The following TRAPPC9 variants were observed in gnomAD, a reference collection of about 807,000 sequenced individuals.
The protein encoded by TRAPPC9 is IKK2 binding protein.
In TRAPPC9, 83 loss-of-function variants were observed where a neutral mutation model predicts 124.0. That is an observed-to-expected ratio of 0.67 (90% CI 0.56 to 0.80). TRAPPC9 has a LOEUF of 0.80. Among genes scored for constraint, TRAPPC9 ranks in the 30% least tolerant of loss-of-function variants. The probability of loss-of-function intolerance (pLI) is 0.00; values close to 1 mark genes in which losing one functional copy is unlikely to be tolerated. For synonymous variants in TRAPPC9, 638 were observed against 617.5 expected (o/e 1.03, Z -0.49); for missense variants, 1,302 against 1,508.3 (o/e 0.86, Z 2.27).
rs917334088 is a variant in TRAPPC9 at position 139,904,181 on chromosome 8, T to C, written c.2964+5966A>G. 8.5e-5 allele frequency among the ~76,000 whole-genome samples: 13 copies of C among 152,204 alleles called. 1 individual carries two copies. Among genetic ancestry groups the C allele is most frequent in the African/African-American group, 2.9e-4 (12 of 41,458 alleles). ...ATGGTAGAGCCTCAATAAACGGCTG[T>C]TGGATGAACAGGATTCCACCTGACC... On this transcript the variant is annotated intron_variant, in intron 20 of 22. Transcript: ENST00000438773.
intron 17 of TRAPPC9, among the ~76,000 whole-genome samples, chr8:140,183,352 T>G (rs1404041945): frequency 1.3e-5 from 2 of 152,110 alleles, no homozygotes; most frequent in Non-Finnish European, 1.5e-5. Context: ...GAATACACGG[T>G]GGAGGAAAGA....
rs1554684613 is a variant in TRAPPC9 at position 140,423,579 on chromosome 8, T to TATACACACAC, written c.886+3035_886+3036insGTGTGTGTAT. Among the ~76,000 whole-genome samples, 85 of 145,440 alleles carry TATACACACAC rather than the reference T, an allele frequency of 5.8e-4. No homozygotes were observed. The East Asian group carries it at 0.016, about 27-fold the overall frequency. On this transcript the variant is annotated intron_variant, in intron 5 of 22. Coordinates refer to ENST00000438773, the MANE Select transcript of TRAPPC9 (RefSeq NM_001160372.4). The stretch of plus-strand genomic sequence containing the variant: ...GAATATGGAAAAACAAAATGTGGCA[T>TATACACACAC]ACACACACACACACACACACACACA...
chr8:140,118,821 G>A (rs11990034), intron 17 of TRAPPC9, among the ~76,000 whole-genome samples: 15,028 of 152,198 alleles, frequency 0.099, 978 homozygotes, highest in African/African-American at 0.17. Context: ...TTGAGCGACA[G>A]TACACACTGG....
At chr8:139,911,352 T>A (rs562621841) in intron 19 of TRAPPC9, 9 of 152,396 alleles carry the variant, frequency 5.9e-5, no homozygotes, top group African/African-American at 2.2e-4. Flanking sequence ...CTCGGGTATG[T>A]CTTCATCAGC....
intron 21 of TRAPPC9, among the ~76,000 whole-genome samples, chr8:139,795,356 G>A (rs948818781): frequency 2.6e-5 from 4 of 152,096 alleles, no homozygotes; most frequent in East Asian, 1.9e-4. Context: ...TGGGCCCTTC[G>A]GGAAGATGCC....
At chr8:140,370,421 T>C (rs1454652451) in intron 8 of TRAPPC9, among the ~76,000 whole-genome samples, 1 of 152,156 alleles carries the variant, frequency 6.6e-6, no homozygotes, top group African/African-American at 2.4e-5. Flanking sequence ...ATTACAGGAG[T>C]GAGCCACCGT....
At chr8:140,036,390 G>A (rs892640267) in intron 17 of TRAPPC9, among the ~76,000 whole-genome samples, 3 of 152,118 alleles carry the variant, frequency 2.0e-5, no homozygotes, top group South Asian at 4.1e-4. Flanking sequence ...CTCCGCACAC[G>A]TGCTGCCATT....
chr8:140,122,854 GC>G (rs1197479359), intron 17 of TRAPPC9, among the ~76,000 whole-genome samples: 5 of 152,188 alleles, frequency 3.3e-5, no homozygotes, highest in African/African-American at 9.7e-5. Context: ...ATCTTGAAGG[GC>G]CCCGATGATT....
chr8:139,989,760 G>A (rs766099048), intron 18 of TRAPPC9, among the ~76,000 whole-genome samples: 19 of 152,124 alleles, frequency 1.2e-4, no homozygotes, highest in Non-Finnish European at 2.4e-4. Context: ...CTAGCCGTGT[G>A]AGCTCCATGT....
chr8:140,183,893 AGAGGAGAG>A (rs2062272446), intron 17 of TRAPPC9, among the ~76,000 whole-genome samples: 3 of 8,038 alleles, frequency 3.7e-4, no homozygotes, highest in African/African-American at 1.2e-3. Context: ...GAAGAAGAGG[AGAGGAGAG>A]GAGAGGAGAG....
chr8:140,236,812 A>G (rs2063741805), intron 16 of TRAPPC9, among the ~76,000 whole-genome samples: 1 of 152,182 alleles, frequency 6.6e-6, no homozygotes, highest in Non-Finnish European at 1.5e-5. Context: ...TTCTCCCCCA[A>G]ATTAATCTAT....
chr8:140,287,404 G>C (rs2065518748), intron 13 of TRAPPC9, among the ~76,000 whole-genome samples: 1 of 152,130 alleles, frequency 6.6e-6, no homozygotes, highest in African/African-American at 2.4e-5. Flanking sequence ...AGTGGGGTCA[G>C]AGCACAGGAA....
intron 9 of TRAPPC9, among the ~76,000 whole-genome samples, chr8:140,350,498 A>C (rs954237055): frequency 5.3e-5 from 8 of 152,222 alleles, no homozygotes; most frequent in Non-Finnish European, 1.0e-4. Flanking sequence ...CCATCCATTT[A>C]ACAGTATTTC....
intron 17 of TRAPPC9, among the ~76,000 whole-genome samples, chr8:140,135,428 T>C (rs2061284310): frequency 6.6e-6 from 1 of 152,214 alleles, no homozygotes; most frequent in Admixed American, 6.5e-5. Context: ...ATGTGCTATA[T>C]ATACACAATG....
intron 21 of TRAPPC9, among the ~76,000 whole-genome samples, chr8:139,736,078 A>G (rs1204391451): frequency 6.6e-6 from 1 of 152,202 alleles, no homozygotes; most frequent in Non-Finnish European, 1.5e-5. Flanking sequence ...TGAAACTGGG[A>G]TGATGATCTT....
At chr8:140,019,542 C>CTTTTTTTTTTTTTTTTTTTTTTTTT (rs71320340) in intron 18 of TRAPPC9, among the ~76,000 whole-genome samples, 2 of 43,860 alleles carry the variant, frequency 4.6e-5, no homozygotes, top group Non-Finnish European at 8.2e-5. Flanking sequence ...TAATTTGTGT[C>CTTTTTTTTTTTTTTTTTTTTTTTTT]TTTTTTTTTT....
At chr8:140,088,293 C>CA (rs1339070273) in intron 17 of TRAPPC9, among the ~76,000 whole-genome samples, 1 of 152,138 alleles carries the variant, frequency 6.6e-6, no homozygotes, top group Non-Finnish European at 1.5e-5. Context: ...AGTAGGTGCT[C>CA]AGTATTTGTT....
chr8:140,100,697 G>A (rs1296675238), intron 17 of TRAPPC9: 1 of 152,310 alleles, frequency 6.6e-6, no homozygotes, highest in African/African-American at 2.4e-5. Flanking sequence ...CGCTCTGGAA[G>A]GGAAGGGCGC....
rs62527059 is a variant in TRAPPC9, at chr8:140,086,061, G to A, written c.2557-61982C>T. Among the ~76,000 whole-genome samples, 446 of 152,256 alleles carry A rather than the reference G, an allele frequency of 2.9e-3. 1 individual carries two copies. Among genetic ancestry groups the A allele is most frequent in the Non-Finnish European group, 3.2e-3 (221 of 68,014 alleles). On this transcript the variant is annotated intron_variant, in intron 17 of 22. Transcript: ENST00000438773. The stretch of plus-strand genomic sequence containing the variant: ...TTTCTAACTATGACTTTCCCCACCT[G>A]AAGCAGAAGGCAACCTAGCAGGTTA...
Sources: allele counts gnomAD v4.1 joint callset (sites outside exome capture counted in the v4.1 genomes callset), GRCh38; gene constraint gnomAD v4.1.1; transcripts MANE v1.5; gene names NCBI Gene and HGNC (gene_info 2026-07-23, HGNC 2026-07-21).